The following NHLRC3 variants were observed in gnomAD, a reference collection of about 807,000 sequenced individuals.
NHLRC3 encodes NHL repeat containing 3, also known as NHL repeat-containing protein 3.
Under a neutral mutation model 32.0 loss-of-function variants are expected in NHLRC3, and 23 were observed. The ratio of observed to expected loss-of-function variants is 0.72; its 90% CI spans 0.52 to 1.02. The LOEUF is 1.02. NHLRC3 is among the 50% of genes least tolerant of loss of function. The pLI is 0.00. For missense variants in NHLRC3, 407 were observed against 406.8 expected (o/e 1.00, Z -0.01); for synonymous variants, 159 against 147.9 (o/e 1.08, Z -0.55).
chr13:39,042,238 C>T lies in NHLRC3; in HGVS notation c.519C>T (p.Asp173=). The T allele has an allele frequency of 6.2e-7, 1 of 1,611,160 alleles. No individual in the cohort carries two copies. Among genetic ancestry groups the T allele is most frequent in the Non-Finnish European group, 8.5e-7 (1 of 1,177,480 alleles). Residue 173 remains aspartate (D), a synonymous_variant, in exon 4 of 7, where the codon GAC becomes GAT. Coordinates refer to ENST00000379600, the MANE Select transcript of NHLRC3 (RefSeq NM_001012754.4). ...FDNPAELYVE[D]TGDIYIVDGD... is the part of the protein sequence containing the mutation. The stretch of plus-strand genomic sequence containing the variant: ...ACCCAGCAGAATTATATGTAGAGGA[C>T]ACAGGAGATATTTACATTGTGGATG...
intron 5 of NHLRC3, among the ~76,000 whole-genome samples, chr13:39,045,489 T>C (rs922816000): frequency 6.6e-6 from 1 of 152,182 alleles, no homozygotes; most frequent in African/African-American, 2.4e-5. Context: ...AGCAATTCTG[T>C]TCTGAGCATT....
Position 39,049,410 on chromosome 13 carries a change from G to C in NHLRC3, c.*1484G>C, listed in dbSNP as rs901195694. 7 of 152,156 alleles carry C rather than the reference G, an allele frequency of 4.6e-5. No individual in the cohort carries two copies. The highest frequency in any genetic ancestry group is 7.2e-5 in the African/African-American group (3 of 41,436). 9.4% of individuals were successfully genotyped at this position (152,156 alleles called of 1,614,324 possible). A position where few individuals can be genotyped will look rare whatever the true frequency, so the allele number is the denominator to read the frequency against. On this transcript the variant is annotated 3_prime_UTR_variant, in exon 7 of 7. Coordinates refer to ENST00000379600, the MANE Select transcript of NHLRC3 (RefSeq NM_001012754.4). ...GTATGACCTTAAACAAGTCACCTTA[G>C]TTTTCAGTGAAATGGGAATATCATT...
chr13:39,038,381 A>G, upstream of NHLRC3: 1 of 530,028 alleles, frequency 1.9e-6, no homozygotes, highest in Non-Finnish European at 3.4e-6. Flanking sequence ...TCACTGGGTC[A>G]GCCCGAAGCA....
chr13:39,047,895 T>G lies in NHLRC3; in HGVS notation c.1013T>G (p.Leu338Trp), dbSNP rs1392746722. The G allele has an allele frequency of 6.2e-7, 1 of 1,612,998 alleles. No homozygotes were observed. The highest frequency in any genetic ancestry group is 8.5e-7 in the Non-Finnish European group (1 of 1,179,114). ...AAACAAGTACAAAAATATGTCCCTT[T>G]GAATAGCTATGTTCCTTCATTTGGT... ...GAKQVQKYVPLNSYVPSFGS is the reference protein window; with the variant it reads ...GAKQVQKYVPWNSYVPSFGS Residue 338 changes from leucine (L) to tryptophan (W), a missense_variant, in exon 7 of 7, where the codon TTG becomes TGG. Leu to Trp is a moderately conservative substitution (Grantham distance 61). Transcript: ENST00000379600.
Position 39,041,991 on chromosome 13 carries a change from A to G in NHLRC3, c.386-114A>G, listed in dbSNP as rs1449505426. On this transcript the variant is annotated intron_variant, in intron 3 of 6. Transcript: ENST00000379600. Reference sequence around the variant, plus strand: ...CAATTATATGTAATTTCCTAAGCCTATCACCTATTTGTTATTATTTACTTC... The same window carrying G: ...CAATTATATGTAATTTCCTAAGCCTGTCACCTATTTGTTATTATTTACTTC... 6 of 629,414 alleles carry G rather than the reference A, an allele frequency of 9.5e-6. No individual in the cohort carries two copies. The Admixed American group carries it at 1.7e-4, about 18-fold the overall frequency. The allele number at this position is 629,414 out of a possible 1,614,324, so 39.0% of individuals were successfully genotyped here. A position where few individuals can be genotyped will look rare whatever the true frequency, so the allele number is the denominator to read the frequency against.
intron 5 of NHLRC3, 40 bp from the exon 6 acceptor site, chr13:39,047,000 C>T (rs779037965): frequency 5.0e-6 from 6 of 1,202,832 alleles, no homozygotes; most frequent in South Asian, 3.7e-5. Flanking sequence ...TTTTTCTTCT[C>T]ATGGATATTT....
chr13:39,049,504 TA>T lies in NHLRC3; in HGVS notation c.*1579del, dbSNP rs544202662. On this transcript the variant is annotated 3_prime_UTR_variant, in exon 7 of 7. Transcript: ENST00000379600. ...GTACAGACTTGCCCTTTGAAATCTATACCTCTGGATACATTAGAGGCATTTT... is the reference window on the plus strand; with the variant it reads ...GTACAGACTTGCCCTTTGAAATCTATCCTCTGGATACATTAGAGGCATTTT... The T allele has an allele frequency of 8.7e-4, 132 of 152,352 alleles. No homozygotes were observed. The highest frequency in any genetic ancestry group is 3.1e-3 in the African/African-American group (130 of 41,584). 9.4% of individuals were successfully genotyped at this position (152,352 alleles called of 1,614,324 possible).
Position 39,047,995 on chromosome 13 carries a change from G to A in NHLRC3, c.*69G>A, listed in dbSNP as rs1033603321. 1.0e-5 allele frequency: 13 copies of A among 1,240,506 alleles called. No homozygotes were observed. Among genetic ancestry groups the A allele is most frequent in the Middle Eastern group, 2.3e-4 (1 of 4,288 alleles). The allele number at this position is 1,240,506 out of a possible 1,614,324, so 76.8% of individuals were successfully genotyped here. On this transcript the variant is annotated 3_prime_UTR_variant, in exon 7 of 7. Transcript: ENST00000379600. ...AATTCACTAAGTGCTTAAAAATGATGTTCAAGCACAAGAATTTATTTTTCT... is the reference window on the plus strand; with the variant it reads ...AATTCACTAAGTGCTTAAAAATGATATTCAAGCACAAGAATTTATTTTTCT...
At chr13:39,043,326 C>G (rs1411038950) in intron 4 of NHLRC3, among the ~76,000 whole-genome samples, 1 of 152,204 alleles carries the variant, frequency 6.6e-6, no homozygotes, top group South Asian at 2.1e-4. Context: ...CTTTAAACAA[C>G]ATAAATTTAT....
At chr13:39,038,752 C>T (rs763484140) in intron 1 of NHLRC3, 29 bp downstream of exon 1, 11 of 1,566,010 alleles carry the variant, frequency 7.0e-6, no homozygotes, top group African/African-American at 1.4e-5. Flanking sequence ...AAATGACTGT[C>T]GGGTGTGCGG....
chr13:39,041,436 A>G (rs1178901824), intron 3 of NHLRC3: 2 of 152,140 alleles, frequency 1.3e-5, no homozygotes, highest in East Asian at 3.8e-4. Context: ...TGTACCTTCA[A>G]ATTGATTTCT....
chr13:39,043,194 AT>A (rs36102020), intron 4 of NHLRC3, among the ~76,000 whole-genome samples: 11,227 of 152,130 alleles, frequency 0.074, 463 homozygotes, highest in South Asian at 0.13. Flanking sequence ...GAAATGTAGA[AT>A]AAGGATAAAG....
At position 39,047,943 on chromosome 13, in the gene NHLRC3, A is replaced by G. The variant is rs540296742; in HGVS notation, c.*17A>G. On this transcript the variant is annotated 3_prime_UTR_variant, in exon 7 of 7. Transcript: ENST00000379600. ...GGTTCATAATGTTTCTTTCCTGGGAATATTTCAAGTGGCAGTTCAGATTCT... is the reference window on the plus strand; with the variant it reads ...GGTTCATAATGTTTCTTTCCTGGGAGTATTTCAAGTGGCAGTTCAGATTCT... The G allele has an allele frequency of 1.3e-6, 2 of 1,572,866 alleles. No individual in the cohort carries two copies. Among genetic ancestry groups the G allele is most frequent in the African/African-American group, 1.3e-5 (1 of 74,372 alleles).
chr13:39,039,329 A>G (rs756294330), intron 2 of NHLRC3, 41 bp downstream of exon 2: 1 of 1,499,938 alleles, frequency 6.7e-7, no homozygotes, highest in Non-Finnish European at 9.3e-7. Flanking sequence ...AACACAAAGG[A>G]AGTAACAGCC....
rs545641488 is a variant in NHLRC3, at chr13:39,044,349, A to G, written c.678+168A>G. 172 of 601,820 alleles carry G rather than the reference A, an allele frequency of 2.9e-4. 2 individuals are homozygous for G. Among genetic ancestry groups the G allele is most frequent in the Admixed American group, 1.5e-3 (54 of 35,788 alleles). The allele number at this position is 601,820 out of a possible 1,614,324, so 37.3% of individuals were successfully genotyped here. A position where few individuals can be genotyped will look rare whatever the true frequency, so the allele number is the denominator to read the frequency against. ...TGTGTGTTAGTGGGTATGTCTGGGT[A>G]ATTACTCTGGGGCTGGGTGTGCACA... On this transcript the variant is annotated intron_variant, in intron 5 of 6. Transcript: ENST00000379600.
At position 39,038,530 on chromosome 13, in the gene NHLRC3, T is replaced by C; in HGVS notation, c.-110T>C. On this transcript the variant is annotated 5_prime_UTR_variant, in exon 1 of 7. Transcript: ENST00000379600. ...GGAGGGGAAACCGGAGATAGGGTCT[T>C]CGGGCCCCGGGCAGACCCTCTGTGC... is the stretch of plus-strand genomic sequence containing the variant. The C allele has an allele frequency of 1.1e-6, 1 of 882,236 alleles. No individual in the cohort carries two copies. Among genetic ancestry groups the C allele is most frequent in the South Asian group, 1.4e-5 (1 of 73,668 alleles). 54.7% of individuals were successfully genotyped at this position (882,236 alleles called of 1,614,324 possible). A position where few individuals can be genotyped will look rare whatever the true frequency, so the allele number is the denominator to read the frequency against.
intron 4 of NHLRC3, 56 bp downstream of exon 4, chr13:39,042,361 C>T (rs141557781): frequency 3.0e-5 from 32 of 1,084,660 alleles, no homozygotes; most frequent in African/African-American, 1.1e-4. Context: ...TTAATTTGTT[C>T]GATATTTGGT....
chr13:39,046,524 G>T (rs1871684743), intron 5 of NHLRC3, among the ~76,000 whole-genome samples: 1 of 152,148 alleles, frequency 6.6e-6, no homozygotes, highest in Non-Finnish European at 1.5e-5. Context: ...TCAGCACTCT[G>T]TACATACCTT....
At position 39,038,556 on chromosome 13, in the gene NHLRC3, C is replaced by G. The variant is rs1350456017; in HGVS notation, c.-84C>G. 1 of 1,171,456 alleles carries G rather than the reference C, an allele frequency of 8.5e-7. No homozygotes were observed. The highest frequency in any genetic ancestry group is 1.2e-5 in the South Asian group (1 of 82,124). 72.6% of individuals were successfully genotyped at this position (1,171,456 alleles called of 1,614,324 possible). A position where few individuals can be genotyped will look rare whatever the true frequency, so the allele number is the denominator to read the frequency against. On this transcript the variant is annotated 5_prime_UTR_variant, in exon 1 of 7. Transcript: ENST00000379600. Reference sequence around the variant, plus strand: ...CGGGCCCCGGGCAGACCCTCTGTGCCGCTGCAAACCGTTGCAGCCTGAGGC... The same window carrying G: ...CGGGCCCCGGGCAGACCCTCTGTGCGGCTGCAAACCGTTGCAGCCTGAGGC...
Sources: gnomAD v4.1 joint callset for allele counts (sites outside exome capture counted in the v4.1 genomes callset) on GRCh38, gnomAD v4.1.1 for gene constraint, MANE v1.5 for transcripts, NCBI Gene and HGNC (gene_info 2026-07-23, HGNC 2026-07-21) for gene names.